The following FOXP2 variants were observed in gnomAD, a reference collection of about 807,000 sequenced individuals.
The protein encoded by FOXP2 is forkhead box protein P2.
In FOXP2, 12 loss-of-function variants were observed where a neutral mutation model predicts 115.8. The ratio of observed to expected loss-of-function variants is 0.10; its 90% CI spans 0.07 to 0.17. The LOEUF is 0.17. Among genes scored for constraint, FOXP2 ranks in the 10% least tolerant of loss-of-function variants. The pLI is 1.00. For synonymous variants in FOXP2, 328 were observed against 297.7 expected, an observed-to-expected ratio of 1.10 and a Z score of -1.05; for missense variants, 629 against 843.5, an observed-to-expected ratio of 0.75 and a Z score of 3.15.
intron 1 of FOXP2, among the ~76,000 whole-genome samples, chr7:114,131,054 G>A (rs892255962): frequency 1.1e-4 from 17 of 152,184 alleles, no homozygotes; most frequent in African/African-American, 4.1e-4. Context: ...GTGATCAACA[G>A]TTTACGTATT....
At chr7:114,285,239 AG>A (rs1796439399) in intron 1 of FOXP2, among the ~76,000 whole-genome samples, 1 of 152,172 alleles carries the variant, frequency 6.6e-6, no homozygotes, top group African/African-American at 2.4e-5. Context: ...ATACAGGCAC[AG>A]AGTTAAAAAA....
intron 1 of FOXP2, among the ~76,000 whole-genome samples, chr7:114,260,540 T>C (rs1795722752): frequency 6.6e-6 from 1 of 152,064 alleles, no homozygotes. Context: ...TTAAAAAAAA[T>C]TGGACTGAAT....
At chr7:114,597,724 G>A (rs937417265) in intron 3 of FOXP2, among the ~76,000 whole-genome samples, 4 of 152,136 alleles carry the variant, frequency 2.6e-5, no homozygotes, top group Non-Finnish European at 4.4e-5. Context: ...GTGTACAAAA[G>A]CACCTTGTAG....
At chr7:114,550,262 C>T (rs1379427526) in intron 3 of FOXP2, among the ~76,000 whole-genome samples, 1 of 151,722 alleles carries the variant, frequency 6.6e-6, no homozygotes, top group Non-Finnish European at 1.5e-5. Flanking sequence ...GGACTACAGG[C>T]GCCCTCCACC....
intron 2 of FOXP2, among the ~76,000 whole-genome samples, chr7:114,387,097 A>T (rs1269257585): frequency 2.0e-5 from 3 of 152,198 alleles, no homozygotes; most frequent in Non-Finnish European, 4.4e-5. Flanking sequence ...ATAGATAAGA[A>T]AATATAAATA....
At chr7:114,574,459 C>T (rs1801476403) in intron 3 of FOXP2, among the ~76,000 whole-genome samples, 1 of 151,630 alleles carries the variant, frequency 6.6e-6, no homozygotes, top group African/African-American at 2.4e-5. Context: ...TTCTTTCAAA[C>T]TTCGGTACTA....
intron 2 of FOXP2, among the ~76,000 whole-genome samples, chr7:114,351,875 T>C (rs192148208): frequency 9.2e-5 from 14 of 152,290 alleles, no homozygotes; most frequent in Middle Eastern, 3.4e-3. Flanking sequence ...AGTATAGTAC[T>C]ATATTATTCT....
At chr7:114,396,263 G>A (rs992959242) in intron 2 of FOXP2, among the ~76,000 whole-genome samples, 10 of 151,906 alleles carry the variant, frequency 6.6e-5, no homozygotes, top group South Asian at 2.1e-4. Flanking sequence ...GTGAGAACAT[G>A]CAACGTTTGT....
At chr7:114,541,833 T>G (rs1799679758) in intron 3 of FOXP2, among the ~76,000 whole-genome samples, 1 of 151,550 alleles carries the variant, frequency 6.6e-6, no homozygotes, top group African/African-American at 2.4e-5. Flanking sequence ...ATATATTCCC[T>G]TGACTTCTCT....
intron 1 of FOXP2, among the ~76,000 whole-genome samples, chr7:114,284,313 C>A (rs571450486): frequency 8.6e-5 from 13 of 151,888 alleles, no homozygotes; most frequent in African/African-American, 2.9e-4. Context: ...TATTCCTAAC[C>A]ATATTGCATA....
At chr7:114,559,432 C>T (rs1210244784) in intron 3 of FOXP2, among the ~76,000 whole-genome samples, 2 of 152,110 alleles carry the variant, frequency 1.3e-5, no homozygotes, top group Admixed American at 1.3e-4. Flanking sequence ...TTATTGGCTT[C>T]TCTACTGCGA....
intron 1 of FOXP2, among the ~76,000 whole-genome samples, chr7:114,231,205 A>G (rs1206654058): frequency 6.6e-6 from 1 of 152,122 alleles, no homozygotes; most frequent in Non-Finnish European, 1.5e-5. Context: ...ACTAAAAACT[A>G]CAAAATATTA....
chr7:114,547,337 T>C (rs546218987), intron 3 of FOXP2, among the ~76,000 whole-genome samples: 1 of 152,338 alleles, frequency 6.6e-6, no homozygotes, highest in African/African-American at 2.4e-5. Flanking sequence ...ACTTCCTACC[T>C]ATTTTCTGAA....
intron 3 of FOXP2, among the ~76,000 whole-genome samples, chr7:114,621,599 A>G (rs1220584053): frequency 6.6e-6 from 1 of 152,002 alleles, no homozygotes; most frequent in Non-Finnish European, 1.5e-5. Context: ...AGACAGGCTC[A>G]TCAGCAACTC....
At chr7:114,302,899 G>C (rs1233234144) in intron 2 of FOXP2, among the ~76,000 whole-genome samples, 4 of 152,106 alleles carry the variant, frequency 2.6e-5, no homozygotes, top group Non-Finnish European at 4.4e-5. Context: ...AGAAAATGGA[G>C]ATTTCGGTCC....
chr7:114,514,589 C>CT (rs948985417), intron 2 of FOXP2, among the ~76,000 whole-genome samples: 17 of 150,302 alleles, frequency 1.1e-4, no homozygotes, highest in Admixed American at 2.7e-4. Flanking sequence ...ACACAATTTT[C>CT]TTTTTTTTTA....
intron 2 of FOXP2, among the ~76,000 whole-genome samples, chr7:114,428,093 A>C (rs1793944593): frequency 1.3e-5 from 2 of 151,588 alleles, no homozygotes; most frequent in South Asian, 2.1e-4. Flanking sequence ...GGAATGCTAC[A>C]ATATTCCTCC....
intron 2 of FOXP2, among the ~76,000 whole-genome samples, chr7:114,525,912 G>C (rs1485954310): frequency 6.6e-6 from 1 of 151,990 alleles, no homozygotes; most frequent in Admixed American, 6.6e-5. Flanking sequence ...AGGAGTTTCA[G>C]ACCAGCCTGA....
intron 1 of FOXP2, among the ~76,000 whole-genome samples, chr7:114,252,697 G>T (rs1390029084): frequency 6.6e-6 from 1 of 151,672 alleles, no homozygotes; most frequent in East Asian, 1.9e-4. Flanking sequence ...TTCTTTATTA[G>T]TCTCGCTAGC....
Sources: gnomAD v4.1 joint callset for allele counts (sites outside exome capture counted in the v4.1 genomes callset) on GRCh38, gnomAD v4.1.1 for gene constraint, MANE v1.5 for transcripts, NCBI Gene and HGNC (gene_info 2026-07-23, HGNC 2026-07-21) for gene names.